NDST3: variants seen among roughly 807,000 people sequenced by gnomAD.
NDST3 encodes N-deacetylase and N-sulfotransferase 3.
NDST3 carries 58 observed loss-of-function variants against 96.1 expected under a neutral mutation model. That is an observed-to-expected ratio of 0.60 (90% CI 0.49 to 0.75). NDST3 has a LOEUF of 0.75. Ranked by LOEUF, NDST3 falls within the 30% of genes least tolerant of loss-of-function variation. The pLI, the probability that NDST3 is intolerant of heterozygous loss-of-function variation, is 0.00. For synonymous variants in NDST3, 333 were observed against 359.7 expected, an observed-to-expected ratio of 0.93 and a Z score of 0.84; for missense variants, 788 against 1,034.2, an observed-to-expected ratio of 0.76 and a Z score of 3.27.
At chr4:118,235,090 A>G (rs1398311961) in intron 9 of NDST3, among the ~76,000 whole-genome samples, 2 of 152,224 alleles carry the variant, frequency 1.3e-5, no homozygotes, top group East Asian at 3.9e-4. Flanking sequence ...GACCCAAATA[A>G]CAAATAAATG....
At chr4:118,243,045 A>T (rs1741102236) in intron 12 of NDST3, among the ~76,000 whole-genome samples, 2 of 152,012 alleles carry the variant, frequency 1.3e-5, no homozygotes, top group African/African-American at 4.8e-5. Context: ...ACTGGAAGAT[A>T]CTGAGTTGGA....
chr4:118,178,528 CTGAG>C (rs769995654), intron 6 of NDST3, among the ~76,000 whole-genome samples: 7 of 151,994 alleles, frequency 4.6e-5, no homozygotes, highest in Non-Finnish European at 8.8e-5. Flanking sequence ...CTTTTTAAGA[CTGAG>C]TAATATTCCA....
chr4:118,055,264 G>A (rs1725346117), intron 2 of NDST3: 1 of 233,290 alleles, frequency 4.3e-6, no homozygotes, highest in Admixed American at 5.3e-5. Flanking sequence ...TTGTCTTAAT[G>A]ATAATAAATA....
At chr4:118,151,396 A>T (rs1476101772) in intron 6 of NDST3, among the ~76,000 whole-genome samples, 3 of 152,144 alleles carry the variant, frequency 2.0e-5, no homozygotes, top group Non-Finnish European at 2.9e-5. Context: ...ATAATAATAA[A>T]AAAAAGAAAT....
intron 9 of NDST3, among the ~76,000 whole-genome samples, chr4:118,236,102 T>C (rs769083306): frequency 6.6e-6 from 1 of 152,208 alleles, no homozygotes; most frequent in Non-Finnish European, 1.5e-5. Context: ...AACTACCTTG[T>C]CTTGGTAGCC....
At chr4:118,099,465 T>G (rs1464555236) in intron 2 of NDST3, among the ~76,000 whole-genome samples, 1 of 152,136 alleles carries the variant, frequency 6.6e-6, no homozygotes, top group African/African-American at 2.4e-5. Context: ...ATACAGTTTC[T>G]ACATTTTTAT....
At position 118,145,173 on chromosome 4, in the gene NDST3, T is replaced by A. The variant is rs1469600217; in HGVS notation, c.1539+1489T>A. On this transcript the variant is annotated intron_variant, in intron 6 of 13. Transcript: ENST00000296499. The stretch of plus-strand genomic sequence containing the variant: ...TGAGTCTCCTTATACAGCTTTCTTC[T>A]CTTTTTTCTCAATTCAGCCAGTACA... Among the ~76,000 whole-genome samples, 7 of 152,200 alleles carry A rather than the reference T, an allele frequency of 4.6e-5. No individual in the cohort carries two copies. The East Asian group carries it at 1.3e-3, about 29-fold the overall frequency.
chr4:118,216,988 C>G (rs540332320), intron 6 of NDST3, among the ~76,000 whole-genome samples: 6 of 152,164 alleles, frequency 3.9e-5, no homozygotes, highest in African/African-American at 1.4e-4. Flanking sequence ...ATGAATAAAA[C>G]AAGTATGTTT....
chr4:118,237,984 C>A (rs1376913490), intron 10 of NDST3, among the ~76,000 whole-genome samples: 1 of 151,704 alleles, frequency 6.6e-6, no homozygotes, highest in East Asian at 1.9e-4. Flanking sequence ...AGAAAATTAG[C>A]CAGGCATGGT....
chr4:118,062,567 A>G (rs1725984038), intron 2 of NDST3, among the ~76,000 whole-genome samples: 1 of 152,204 alleles, frequency 6.6e-6, no homozygotes, highest in Admixed American at 6.5e-5. Context: ...CAATATTATT[A>G]TCACATTCAA....
At chr4:118,204,678 G>A (rs1738321659) in intron 6 of NDST3, among the ~76,000 whole-genome samples, 1 of 144,194 alleles carries the variant, frequency 6.9e-6, no homozygotes. Context: ...AGCAACTTTA[G>A]GATAAACTTG....
chr4:118,132,320 G>A (rs1381440188), intron 4 of NDST3, among the ~76,000 whole-genome samples: 1 of 152,168 alleles, frequency 6.6e-6, no homozygotes, highest in African/African-American at 2.4e-5. Flanking sequence ...TCCACAGGGA[G>A]AAGAGCCTCT....
chr4:118,130,273 T>C (rs1732503721), intron 4 of NDST3, among the ~76,000 whole-genome samples: 1 of 152,070 alleles, frequency 6.6e-6, no homozygotes, highest in East Asian at 1.9e-4. Flanking sequence ...TTTTCTTTTC[T>C]TCCTTCCTGT....
chr4:118,121,891 T>A (rs1016243577), intron 4 of NDST3, among the ~76,000 whole-genome samples: 40 of 152,236 alleles, frequency 2.6e-4, no homozygotes, highest in African/African-American at 8.7e-4. Flanking sequence ...TTTGAACTTT[T>A]GAAAGTGGTT....
intron 1 of NDST3, among the ~76,000 whole-genome samples, chr4:118,052,286 A>G (rs149273299): frequency 7.8e-4 from 119 of 152,212 alleles, no homozygotes; most frequent in Middle Eastern, 6.8e-3. Context: ...TCAGGAACAG[A>G]CAACAAAATA....
intron 8 of NDST3, among the ~76,000 whole-genome samples, chr4:118,228,552 G>A (rs958841312): frequency 1.3e-5 from 2 of 152,130 alleles, no homozygotes; most frequent in East Asian, 1.9e-4. Context: ...TATAGAAATT[G>A]ATTCTTTTTT....
At chr4:118,148,080 T>C (rs991278542) in intron 6 of NDST3, among the ~76,000 whole-genome samples, 5 of 152,212 alleles carry the variant, frequency 3.3e-5, no homozygotes, top group Admixed American at 2.6e-4. Context: ...GGGCAGATCA[T>C]GAGGTCAGGA....
chr4:118,157,339 TG>T (rs1734778281), intron 6 of NDST3, among the ~76,000 whole-genome samples: 2 of 150,418 alleles, frequency 1.3e-5, no homozygotes, highest in African/African-American at 4.9e-5. Context: ...ACATTTAAAA[TG>T]GGGGGATGGT....
intron 13 of NDST3, among the ~76,000 whole-genome samples, chr4:118,255,294 G>T (rs1193489406): frequency 6.6e-6 from 1 of 152,130 alleles, no homozygotes. Context: ...TGAAAATAAT[G>T]TCCACAAAGC....
Sources: allele counts gnomAD v4.1 joint callset (sites outside exome capture counted in the v4.1 genomes callset), GRCh38; gene constraint gnomAD v4.1.1; transcripts MANE v1.5; gene names NCBI Gene and HGNC (gene_info 2026-07-23, HGNC 2026-07-21).